The following SLC12A9 variants were observed in gnomAD, a reference collection of about 807,000 sequenced individuals.
SLC12A9 encodes solute carrier family 12 member 9, also known as CCC-interacting protein 1.
Under a neutral mutation model 66.0 loss-of-function variants are expected in SLC12A9, and 55 were observed. The observed-to-expected ratio is 0.83, with a 90% CI of 0.67 to 1.04. The LOEUF is 1.04. Ranked by LOEUF, SLC12A9 falls within the 50% of genes least tolerant of loss-of-function variation. The probability of loss-of-function intolerance (pLI) is 0.00; values close to 1 mark genes in which losing one functional copy is unlikely to be tolerated. For synonymous variants in SLC12A9, 577 were observed against 569.0 expected, an observed-to-expected ratio of 1.01 and a Z score of -0.20; for missense variants, 1,061 against 1,241.9, an observed-to-expected ratio of 0.85 and a Z score of 2.19.
intron 3 of SLC12A9, among the ~76,000 whole-genome samples, chr7:100,855,042 T>C (rs1351860928): frequency 6.6e-6 from 1 of 152,130 alleles, no homozygotes; most frequent in Non-Finnish European, 1.5e-5. Context: ...CACCCGCCTG[T>C]GATTCCAGCT....
intron 4 of SLC12A9, 73 bp downstream of exon 4, chr7:100,855,910 G>C: frequency 6.6e-7 from 1 of 1,511,132 alleles, no homozygotes; most frequent in South Asian, 1.3e-5. Context: ...TGAGGGAGAA[G>C]GTCCTCTCCA....
rs758283919 is a variant in SLC12A9 at position 100,865,985 on chromosome 7, G to C, written c.2125G>C (p.Glu709Gln). The change falls in exon 14 of 14, where the codon GAG becomes CAG. Residue 709 changes from glutamate to glutamine, a missense_variant. Physicochemically the swap from Glu to Gln is conservative, Grantham distance 29 (BLOSUM62 2). Coordinates refer to ENST00000354161, the MANE Select transcript of SLC12A9 (RefSeq NM_020246.4). ...CCGGGCCAGCGGGGCCTTGCCCCCT[G>C]AGCGGCTGAGCCGGGGGTCTGGGGG... is the stretch of plus-strand genomic sequence containing the variant. ...LARASGALPP[E>Q]RLSRGSGGTS... 21 of 1,612,734 alleles carry C rather than the reference G, an allele frequency of 1.3e-5. No homozygotes were observed. Among genetic ancestry groups the C allele is most frequent in the Non-Finnish European group, 1.4e-5 (16 of 1,179,844 alleles).
Position 100,860,027 on chromosome 7 carries a change from C to G in SLC12A9, c.1120C>G (p.Arg374Gly). The change falls in exon 8 of 14, where the codon CGG (arginine) becomes GGG (glycine). Residue 374 changes from arginine to glycine, a missense_variant. Arg to Gly is a moderately radical substitution (Grantham distance 125, BLOSUM62 -2). Coordinates refer to ENST00000354161, the MANE Select transcript of SLC12A9 (RefSeq NM_020246.4). The stretch of plus-strand genomic sequence containing the variant: ...CTCCCGCATCCTCCATGCCCTGGCC[C>G]GGGATGACCTCTTTGGTGGGTTCTC... ...GASRILHALA[R>G]DDLFGVILAP... 1.2e-6 allele frequency: 2 copies of G among 1,614,044 alleles called. No homozygotes were observed. The highest frequency in any genetic ancestry group is 1.7e-5 in the Admixed American group (1 of 60,022).
intron 5 of SLC12A9, chr7:100,857,641 C>T (rs1005293494): frequency 1.2e-5 from 2 of 165,012 alleles, no homozygotes; most frequent in African/African-American, 2.4e-5. Context: ...TGCGGTGGCT[C>T]ACGCCTGTAA....
chr7:100,859,126 C>T lies in SLC12A9; in HGVS notation c.942C>T (p.Val314=). 6.2e-7 allele frequency: 1 copy of T among 1,614,082 alleles called. No homozygotes were observed. Among genetic ancestry groups the T allele is most frequent in the Non-Finnish European group, 8.5e-7 (1 of 1,180,014 alleles). Reference sequence around the variant, plus strand: ...TCGCCTACACCTTCTTCGTCTATGTCCTGCTTTTCTTTCTCTCCAGCTTCA... The same window carrying T: ...TCGCCTACACCTTCTTCGTCTATGTTCTGCTTTTCTTTCTCTCCAGCTTCA... ...VAVAYTFFVY[V]LLFFLSSFTC... The change falls in exon 7 of 14, where the codon GTC becomes GTT. Residue 314 remains valine (V), a synonymous_variant. Transcript: ENST00000354161.
chr7:100,827,142 C>T, intron 1 of SLC12A9: 3 of 1,228,162 alleles, frequency 2.4e-6, no homozygotes, highest in Non-Finnish European at 3.3e-6. Context: ...GACTCCTCGT[C>T]GGGGCCCTCA....
At position 100,858,565 on chromosome 7, in the gene SLC12A9, G is replaced by A; in HGVS notation, c.758-270G>A. On this transcript the variant is annotated intron_variant, in intron 5 of 13. Coordinates refer to ENST00000354161, the MANE Select transcript of SLC12A9 (RefSeq NM_020246.4). ...CGATGGTGCCACTGCACTCCAGCCTGGATGACAGAGCCAGACCCTGTCTCT... is the reference window on the plus strand; with the variant it reads ...CGATGGTGCCACTGCACTCCAGCCTAGATGACAGAGCCAGACCCTGTCTCT... 5.6e-6 allele frequency: 2 copies of A among 359,670 alleles called. 1 individual carries two copies. The highest frequency in any genetic ancestry group is 5.8e-5 in the South Asian group (2 of 34,586). 22.3% of individuals were successfully genotyped at this position (359,670 alleles called of 1,614,324 possible).
chr7:100,839,103 C>T (rs1253707574), intron 1 of SLC12A9, among the ~76,000 whole-genome samples: 3 of 151,874 alleles, frequency 2.0e-5, no homozygotes, highest in Non-Finnish European at 4.4e-5. Flanking sequence ...GCGGGTGGAT[C>T]ACGAGGTCAG....
At chr7:100,855,058 G>A (rs1814303852) in intron 3 of SLC12A9, among the ~76,000 whole-genome samples, 1 of 152,110 alleles carries the variant, frequency 6.6e-6, no homozygotes, top group Non-Finnish European at 1.5e-5. Context: ...CAGCTACTCG[G>A]GAGGCTGAGG....
At chr7:100,830,856 C>T (rs1203121994) in intron 1 of SLC12A9, among the ~76,000 whole-genome samples, 1 of 152,130 alleles carries the variant, frequency 6.6e-6, no homozygotes, top group African/African-American at 2.4e-5. Flanking sequence ...CACCCTTGGT[C>T]TATCCTGTGT....
rs531591450 is a variant in SLC12A9, at chr7:100,828,662, C to G, written n.228+1615C>G. ...CACTCTCGTGTTTTGGGGGGGCTTC[C>G]CCGCCGCCCGCAGCCATGACCCCTG... On this transcript the variant is annotated intron_variant and non_coding_transcript_variant, in intron 1 of 1. Transcript: ENST00000461016. Among the ~76,000 whole-genome samples, 74 of 152,194 alleles carry G rather than the reference C, an allele frequency of 4.9e-4. 1 individual carries two copies. Among genetic ancestry groups the G allele is most frequent in the Admixed American group, 4.0e-3 (61 of 15,278 alleles).
Position 100,859,966 on chromosome 7 carries a change from AGC to A in SLC12A9, c.1062_1063del (p.Ala357ValfsTer19). On this transcript the variant is annotated frameshift_variant, in exon 8 of 14. Coordinates refer to ENST00000354161, the MANE Select transcript of SLC12A9 (RefSeq NM_020246.4). LOFTEE classifies it high-confidence loss of function. ...PLVLIGIYAT[A>X]LSASMSSLIG... ...TGGTGTTGATCGGAATCTATGCCAC[AGC>A]GCTCTCAGCGTCCATGAGCTCGCTC... The A allele has an allele frequency of 6.2e-7, 1 of 1,613,374 alleles. No individual in the cohort carries two copies. The highest frequency in any genetic ancestry group is 8.5e-7 in the Non-Finnish European group (1 of 1,179,328).
upstream of SLC12A9, among the ~76,000 whole-genome samples, chr7:100,850,876 C>T (rs375841783): frequency 9.3e-4 from 142 of 152,128 alleles, no homozygotes; most frequent in African/African-American, 3.1e-3. Flanking sequence ...CGTGCCACCA[C>T]GCCCAACTAA....
intron 7 of SLC12A9, 40 bp from the exon 8 acceptor site, chr7:100,859,845 G>A (rs756535952): frequency 6.4e-7 from 1 of 1,570,984 alleles, no homozygotes; most frequent in Non-Finnish European, 8.7e-7. Flanking sequence ...CTTACCCCGT[G>A]ACGCATGATC....
At chr7:100,847,974 T>A (rs2116549686), upstream of SLC12A9, among the ~76,000 whole-genome samples, 1 of 147,864 alleles carries the variant, frequency 6.8e-6, no homozygotes, top group Non-Finnish European at 1.5e-5. Context: ...TAATCCCAGC[T>A]ACTTGAGAGG....
At chr7:100,841,006 A>G (rs1408764154) in intron 1 of SLC12A9, among the ~76,000 whole-genome samples, 1 of 151,978 alleles carries the variant, frequency 6.6e-6, no homozygotes, top group African/African-American at 2.4e-5. Context: ...AAAAAAGTAA[A>G]AAAAAAAAAC....
At chr7:100,865,421 A>AT (rs1177233043) in intron 13 of SLC12A9, 2 of 1,536,198 alleles carry the variant, frequency 1.3e-6, no homozygotes, top group South Asian at 2.4e-5. Context: ...AGTGGACAGC[A>AT]TCCTCCTCTC....
chr7:100,831,835 T>C lies in SLC12A9; in HGVS notation n.228+4788T>C, dbSNP rs182795422. On this transcript the variant is annotated intron_variant and non_coding_transcript_variant, in intron 1 of 1. Transcript: ENST00000461016. Reference sequence around the variant, plus strand: ...CTGTGTCGGGTCCAAAGTTCAGGTTTACCCCAAAGTTCATGAAGTTTAAGC... The same window carrying C: ...CTGTGTCGGGTCCAAAGTTCAGGTTCACCCCAAAGTTCATGAAGTTTAAGC... Among the ~76,000 whole-genome samples the C allele has an allele frequency of 3.3e-4, 50 of 152,290 alleles. No individual in the cohort carries two copies. In the East Asian group the frequency reaches 9.1e-3, roughly 28 times the overall value.
intron 1 of SLC12A9, among the ~76,000 whole-genome samples, chr7:100,840,816 A>G (rs1026837942): frequency 3.3e-5 from 5 of 152,108 alleles, no homozygotes; most frequent in Admixed American, 3.3e-4. Flanking sequence ...AAAACCTATA[A>G]TTGATAATTG....
Sources: gnomAD v4.1 joint callset for allele counts (sites outside exome capture counted in the v4.1 genomes callset) on GRCh38, gnomAD v4.1.1 for gene constraint, MANE v1.5 for transcripts, NCBI Gene and HGNC (gene_info 2026-07-23, HGNC 2026-07-21) for gene names.